The following ATE1 variants were observed in gnomAD, a reference collection of about 807,000 sequenced individuals.
ATE1 encodes arginyltransferase 1.
A neutral mutation model predicts 70.5 loss-of-function variants in ATE1; 36 were observed. The ratio of observed to expected loss-of-function variants is 0.51; its 90% CI spans 0.39 to 0.67. ATE1 has a LOEUF of 0.67. Ranked by LOEUF, ATE1 falls within the 30% of genes least tolerant of loss-of-function variation. The pLI is 0.00. For synonymous variants in ATE1, 232 were observed against 219.3 expected (o/e 1.06, Z -0.51); for missense variants, 593 against 629.5 (o/e 0.94, Z 0.62).
At chr10:121,852,278 CAATT>C (rs1949084036) in intron 8 of ATE1, among the ~76,000 whole-genome samples, 1 of 152,204 alleles carries the variant, frequency 6.6e-6, no homozygotes, top group African/African-American at 2.4e-5. Flanking sequence ...TATGATGAGA[CAATT>C]AATGTCCCGA....
intron 10 of ATE1, among the ~76,000 whole-genome samples, chr10:121,823,214 C>G (rs1430173288): frequency 6.6e-6 from 1 of 151,918 alleles, no homozygotes; most frequent in Admixed American, 6.6e-5. Context: ...GACATGAACC[C>G]GGGAGGCAGA....
chr10:121,852,828 G>C (rs1949105340), intron 8 of ATE1, among the ~76,000 whole-genome samples: 1 of 152,070 alleles, frequency 6.6e-6, no homozygotes, highest in Non-Finnish European at 1.5e-5. Context: ...GTTAAGAAAT[G>C]AAAAAGTAAT....
At chr10:121,786,692 T>C (rs1175889769) in intron 11 of ATE1, among the ~76,000 whole-genome samples, 1 of 152,144 alleles carries the variant, frequency 6.6e-6, no homozygotes, top group African/African-American at 2.4e-5. Context: ...TAGCAGCATT[T>C]GTTTTCTTAT....
intron 8 of ATE1, among the ~76,000 whole-genome samples, chr10:121,862,251 C>T (rs1460208359): frequency 6.6e-6 from 1 of 152,194 alleles, no homozygotes; most frequent in Non-Finnish European, 1.5e-5. Flanking sequence ...CTGCAAGCTC[C>T]GTACAGGACC....
chr10:121,779,475 C>T (rs982138315), intron 11 of ATE1, among the ~76,000 whole-genome samples: 4 of 152,142 alleles, frequency 2.6e-5, no homozygotes, highest in Non-Finnish European at 5.9e-5. Flanking sequence ...GTTGCCACAC[C>T]CGTTTTATCT....
chr10:121,860,859 T>A (rs565895706), intron 8 of ATE1, among the ~76,000 whole-genome samples: 2 of 152,222 alleles, frequency 1.3e-5, no homozygotes, highest in African/African-American at 4.8e-5. Context: ...AGTAAACACC[T>A]TAGAATCCAG....
chr10:121,904,702 C>CA (rs11362227), intron 5 of ATE1, among the ~76,000 whole-genome samples: 18,380 of 133,352 alleles, frequency 0.14, 1,443 homozygotes, highest in East Asian at 0.19. Context: ...TCAAAGTCAG[C>CA]AAAAAAAAAA....
At chr10:121,869,894 G>A in intron 8 of ATE1, 112 bp downstream of exon 8, 1 of 978,582 alleles carries the variant, frequency 1.0e-6, no homozygotes, top group Non-Finnish European at 1.6e-6. Context: ...AAGAATATAT[G>A]TGTCCCACCA....
chr10:121,753,965 C>T (rs1944693592), intron 11 of ATE1, among the ~76,000 whole-genome samples: 1 of 152,048 alleles, frequency 6.6e-6, no homozygotes. Flanking sequence ...GGGAACTGAG[C>T]ATATAAATAA....
At chr10:121,851,090 CAAAAAAAAAAAAAAA>C (rs10603053) in intron 8 of ATE1, among the ~76,000 whole-genome samples, 44 of 43,224 alleles carry the variant, frequency 1.0e-3, no homozygotes, top group Admixed American at 6.5e-3. Flanking sequence ...GACTCCATCT[CAAAAAAAAAAAAAAA>C]AAAAAAAAAA....
At chr10:121,786,070 T>C (rs1398277104) in intron 11 of ATE1, among the ~76,000 whole-genome samples, 1 of 152,086 alleles carries the variant, frequency 6.6e-6, no homozygotes, top group Non-Finnish European at 1.5e-5. Flanking sequence ...TTAAAACAAA[T>C]GTTACCTGTT....
chr10:121,927,832 C>T lies in ATE1; in HGVS notation c.106+12G>A, dbSNP rs1952164093. The T allele has an allele frequency of 6.4e-7, 1 of 1,555,922 alleles. No individual in the cohort carries two copies. The highest frequency in any genetic ancestry group is 2.5e-5 in the East Asian group (1 of 40,510). ...GCCCGGCTTCCCACGCCCGCCGGCCCGGCTCGCTCACCATTGGAGCGGCTG... is the reference window on the plus strand; with the variant it reads ...GCCCGGCTTCCCACGCCCGCCGGCCTGGCTCGCTCACCATTGGAGCGGCTG... On this transcript the variant is annotated intron_variant, in intron 1 of 11. Coordinates refer to ENST00000224652, the MANE Select transcript of ATE1 (RefSeq NM_001001976.3).
In ATE1 at chr10:121,927,991, G is replaced by A; in HGVS notation, c.-42C>T. The A allele has an allele frequency of 2.8e-6, 4 of 1,421,914 alleles. No homozygotes were observed. Among genetic ancestry groups the A allele is most frequent in the Non-Finnish European group, 2.8e-6 (3 of 1,084,912 alleles). 88.1% of individuals were successfully genotyped at this position (1,421,914 alleles called of 1,614,324 possible). ...ACGCTCAGCCGCCCGGCCCCGCGTCGCTAGCGCGGCCGCCGCCGCCACCCC... is the reference window on the plus strand; with the variant it reads ...ACGCTCAGCCGCCCGGCCCCGCGTCACTAGCGCGGCCGCCGCCGCCACCCC... On this transcript the variant is annotated 5_prime_UTR_variant, in exon 1 of 12. Coordinates refer to ENST00000224652, the MANE Select transcript of ATE1 (RefSeq NM_001001976.3).
intron 5 of ATE1, among the ~76,000 whole-genome samples, chr10:121,908,638 A>G (rs1951297275): frequency 1.3e-5 from 2 of 152,220 alleles, no homozygotes; most frequent in African/African-American, 4.8e-5. Context: ...CATGAATTTA[A>G]GCATGGAACA....
chr10:121,886,816 T>C (rs1590631352), intron 7 of ATE1, among the ~76,000 whole-genome samples: 1 of 152,212 alleles, frequency 6.6e-6, no homozygotes, highest in Non-Finnish European at 1.5e-5. Context: ...GAACTATTAA[T>C]GACATTAAGT....
intron 9 of ATE1, among the ~76,000 whole-genome samples, chr10:121,838,470 G>A (rs1011284596): frequency 6.6e-6 from 1 of 152,124 alleles, no homozygotes; most frequent in Non-Finnish European, 1.5e-5. Flanking sequence ...GAGGCACTTA[G>A]ATTTGCTAAC....
intron 10 of ATE1, among the ~76,000 whole-genome samples, chr10:121,802,316 T>TC (rs1004392213): frequency 9.1e-5 from 2 of 21,878 alleles, no homozygotes; most frequent in South Asian, 1.9e-3. Context: ...CTACTCCACT[T>TC]TTTTTTTTTT....
intron 11 of ATE1, among the ~76,000 whole-genome samples, chr10:121,767,553 T>C (rs1333580560): frequency 6.6e-6 from 1 of 152,160 alleles, no homozygotes; most frequent in Non-Finnish European, 1.5e-5. Flanking sequence ...GATCACCACA[T>C]AGAAACTAGC....
intron 10 of ATE1, among the ~76,000 whole-genome samples, chr10:121,828,398 G>A (rs1301783897): frequency 6.6e-6 from 1 of 152,192 alleles, no homozygotes; most frequent in Non-Finnish European, 1.5e-5. Context: ...ACTCAGCTAG[G>A]TGGGTTTTCT....
Sources: allele counts gnomAD v4.1 joint callset (sites outside exome capture counted in the v4.1 genomes callset), GRCh38; gene constraint gnomAD v4.1.1; transcripts MANE v1.5; gene names NCBI Gene and HGNC (gene_info 2026-07-23, HGNC 2026-07-21).